The following ZNF782 variants were observed in gnomAD, a reference collection of about 807,000 sequenced individuals.
ZNF782 encodes zinc finger protein 782.
In ZNF782, 12 loss-of-function variants were observed where a neutral mutation model predicts 13.0. That is an observed-to-expected ratio of 0.92 (90% confidence interval 0.59 to 1.50). The LOEUF (loss-of-function observed/expected upper bound fraction) is 1.50, where lower values mean the gene tolerates loss of function less well. Ranked by LOEUF, ZNF782 falls within the 40% of genes most tolerant of loss-of-function variation. The probability of loss-of-function intolerance (pLI) is 0.00; values close to 1 mark genes in which losing one functional copy is unlikely to be tolerated. For synonymous variants in ZNF782, 284 were observed against 283.0 expected (o/e 1.00, Z -0.04); for missense variants, 770 against 822.9 (o/e 0.94, Z 0.79).
chr9:96,873,153 T>A (rs1851847383), intron 1 of ZNF782, among the ~76,000 whole-genome samples: 9 of 152,174 alleles, frequency 5.9e-5, no homozygotes, highest in Non-Finnish European at 1.5e-5. Context: ...AATATTGGTA[T>A]ATTTTCATCT....
In ZNF782 at chr9:96,818,083, T is replaced by A; in HGVS notation, c.1940A>T (p.Asn647Ile). 1 of 1,613,842 alleles carries A rather than the reference T, an allele frequency of 6.2e-7. No homozygotes were observed. The highest frequency in any genetic ancestry group is 8.5e-7 in the Non-Finnish European group (1 of 1,179,962). ...GAAAGCTTCCCCACACTGATTACAA[T>A]TATATGGTTTCTCCCCGGTGTGAGT... is the stretch of plus-strand genomic sequence containing the variant. ...QRTHTGEKPY[N>I]CNQCGEAFSQ... Residue 647 changes from asparagine (N) to isoleucine (I), a missense_variant, in exon 6 of 6, where the codon AAT becomes ATT. By Grantham distance (149) the Asn-to-Ile change is moderately radical (BLOSUM62 -3). Coordinates refer to ENST00000481138, the MANE Select transcript of ZNF782 (RefSeq NM_001001662.3).
upstream of ZNF782, among the ~76,000 whole-genome samples, chr9:96,876,993 A>C (rs1588179298): frequency 6.7e-6 from 1 of 148,850 alleles, no homozygotes; most frequent in East Asian, 1.9e-4. Context: ...GAAAAGAAAA[A>C]AGAAAAAAAA....
chr9:96,885,710 A>G, the ZNF782 span, among the ~76,000 whole-genome samples: 1 of 130,542 alleles, frequency 7.7e-6, no homozygotes, highest in Non-Finnish European at 1.5e-5. Context: ...TTCTGGAAAC[A>G]AAAAAAAACA....
At chr9:96,855,674 G>C (rs753822532), upstream of ZNF782, among the ~76,000 whole-genome samples, 1 of 152,196 alleles carries the variant, frequency 6.6e-6, no homozygotes, top group Non-Finnish European at 1.5e-5. Flanking sequence ...TATTTGGGTT[G>C]GTTCCACGTT....
chr9:96,913,605 C>A, the ZNF782 span, among the ~76,000 whole-genome samples: 3 of 150,404 alleles, frequency 2.0e-5, no homozygotes, highest in Non-Finnish European at 4.4e-5. Flanking sequence ...CTCGCTGCAA[C>A]CTCCACCCCC....
At chr9:96,872,883 G>A (rs573835119) in intron 1 of ZNF782, among the ~76,000 whole-genome samples, 1 of 152,268 alleles carries the variant, frequency 6.6e-6, no homozygotes, top group East Asian at 1.9e-4. Context: ...ACACCAAAGA[G>A]AAAGGATTCC....
chr9:96,862,048 A>C (rs1242524794), intron 1 of ZNF782, among the ~76,000 whole-genome samples: 1 of 152,256 alleles, frequency 6.6e-6, no homozygotes, highest in Non-Finnish European at 1.5e-5. Flanking sequence ...AAGAAAATGT[A>C]CATATACACA....
At chr9:96,831,285 A>G (rs1305901689) in intron 4 of ZNF782, among the ~76,000 whole-genome samples, 1 of 152,230 alleles carries the variant, frequency 6.6e-6, no homozygotes, top group Admixed American at 6.5e-5. Context: ...TGGTTACACC[A>G]ATCTATATAT....
At chr9:96,897,413 CAGG>C in the ZNF782 span, among the ~76,000 whole-genome samples, 8 of 152,302 alleles carry the variant, frequency 5.3e-5, no homozygotes, top group East Asian at 1.5e-3. Flanking sequence ...CCTGATGTTG[CAGG>C]AGAATGGGTG....
At chr9:96,897,372 G>A in the ZNF782 span, among the ~76,000 whole-genome samples, 1 of 152,172 alleles carries the variant, frequency 6.6e-6, no homozygotes, top group Non-Finnish European at 1.5e-5. Flanking sequence ...GTTTGGAGAC[G>A]CTGGTCTGAC....
rs925845157 is a variant in ZNF782, at chr9:96,816,429, ACAAT to A, written c.*1490_*1493del. The A allele has an allele frequency of 6.6e-6, 1 of 152,324 alleles. No individual in the cohort carries two copies. The highest frequency in any genetic ancestry group is 2.4e-5 in the African/African-American group (1 of 41,572). The allele number at this position is 152,324 out of a possible 1,614,324, so 9.4% of individuals were successfully genotyped here. A position where few individuals can be genotyped will look rare whatever the true frequency, so the allele number is the denominator to read the frequency against. Reference sequence around the variant, plus strand: ...GTACCATGCATATATACATACATAAACAATCAATAACTCACAAAACATTCACATA... The same window carrying A: ...GTACCATGCATATATACATACATAAACAATAACTCACAAAACATTCACATA... On this transcript the variant is annotated 3_prime_UTR_variant, in exon 6 of 6. Coordinates refer to ENST00000481138, the MANE Select transcript of ZNF782 (RefSeq NM_001001662.3).
intron 5 of ZNF782, among the ~76,000 whole-genome samples, chr9:96,823,041 A>T (rs1850480028): frequency 6.6e-6 from 1 of 152,344 alleles, no homozygotes; most frequent in Admixed American, 6.5e-5. Flanking sequence ...TGTGAAAGAC[A>T]CATCAGATTC....
upstream of ZNF782, among the ~76,000 whole-genome samples, chr9:96,859,191 G>A (rs1039319495): frequency 6.6e-6 from 1 of 152,152 alleles, no homozygotes; most frequent in Non-Finnish European, 1.5e-5. Context: ...AAACCTGAAA[G>A]GCTGTCTAAG....
At chr9:96,875,878 G>C (rs532484059), upstream of ZNF782, among the ~76,000 whole-genome samples, 1 of 152,370 alleles carries the variant, frequency 6.6e-6, no homozygotes, top group East Asian at 1.9e-4. Flanking sequence ...GAAGCAGCGA[G>C]CTAAGCTTGC....
the ZNF782 span, chr9:96,932,479 T>A: frequency 8.8e-7 from 1 of 1,137,052 alleles, no homozygotes; most frequent in Non-Finnish European, 1.3e-6. Flanking sequence ...GGCTGCTGGA[T>A]GGACAGGAGG....
At chr9:96,926,074 A>T in the ZNF782 span, among the ~76,000 whole-genome samples, 1 of 127,566 alleles carries the variant, frequency 7.8e-6, no homozygotes, top group Non-Finnish European at 1.6e-5. Context: ...AGGACTTCAA[A>T]CACATACAGA....
chr9:96,931,938 C>T, the ZNF782 span: 27 of 1,611,906 alleles, frequency 1.7e-5, no homozygotes, highest in Non-Finnish European at 2.3e-5. Context: ...GGGGCTGGGG[C>T]TTCCAACGTC....
At chr9:96,879,994 A>G (rs1851943210), upstream of ZNF782, among the ~76,000 whole-genome samples, 1 of 151,870 alleles carries the variant, frequency 6.6e-6, no homozygotes, top group East Asian at 1.9e-4. Context: ...CATTACTGTA[A>G]TGGCCAGGAT....
chr9:96,866,597 C>T (rs1851756876), intron 1 of ZNF782, among the ~76,000 whole-genome samples: 2 of 152,154 alleles, frequency 1.3e-5, no homozygotes, highest in African/African-American at 2.4e-5. Context: ...TACCTGGGCA[C>T]CGCCTTGTGG....
Sources: gnomAD v4.1 joint callset for allele counts (sites outside exome capture counted in the v4.1 genomes callset) on GRCh38, gnomAD v4.1.1 for gene constraint, MANE v1.5 for transcripts, NCBI Gene and HGNC (gene_info 2026-07-23, HGNC 2026-07-21) for gene names.